CACNA1E: variants seen among roughly 807,000 people sequenced by gnomAD.
CACNA1E encodes the protein calcium voltage-gated channel subunit alpha1 E.
CACNA1E carries 40 observed loss-of-function variants against 259.2 expected under a neutral mutation model. The observed-to-expected ratio is 0.15, with a 90% CI of 0.12 to 0.20. The LOEUF is 0.20. Ranked by LOEUF, CACNA1E falls within the 10% of genes least tolerant of loss-of-function variation. The pLI, the probability that CACNA1E is intolerant of heterozygous loss-of-function variation, is 1.00. For missense variants in CACNA1E, 1,874 were observed against 3,040.1 expected, an observed-to-expected ratio of 0.62 and a Z score of 9.02; for synonymous variants, 1,104 against 1,138.5, an observed-to-expected ratio of 0.97 and a Z score of 0.61.
intron 1 of CACNA1E, among the ~76,000 whole-genome samples, chr1:181,338,092 G>C (rs963749210): frequency 6.6e-6 from 1 of 151,754 alleles, no homozygotes; most frequent in Admixed American, 6.6e-5. Flanking sequence ...GCTTTTTTTT[G>C]TTTGTTTTTG....
intron 8 of CACNA1E, among the ~76,000 whole-genome samples, chr1:181,714,254 G>A (rs989741659): frequency 1.3e-5 from 2 of 152,050 alleles, no homozygotes; most frequent in African/African-American, 4.8e-5. Flanking sequence ...ATGACTCACA[G>A]AACTTTGGCA....
At chr1:181,495,170 G>A (rs750666900) in intron 1 of CACNA1E, among the ~76,000 whole-genome samples, 2 of 152,158 alleles carry the variant, frequency 1.3e-5, no homozygotes, top group African/African-American at 2.4e-5. Flanking sequence ...TAGATCTCAG[G>A]AGTTGAAGGG....
At chr1:181,619,894 G>A (rs908322726) in intron 6 of CACNA1E, among the ~76,000 whole-genome samples, 6 of 152,098 alleles carry the variant, frequency 3.9e-5, no homozygotes, top group Admixed American at 6.5e-5. Flanking sequence ...TATTGGGGAG[G>A]GGGGAAGGAT....
intron 7 of CACNA1E, among the ~76,000 whole-genome samples, chr1:181,695,527 CAAAT>C (rs1484259427): frequency 6.6e-6 from 1 of 152,136 alleles, no homozygotes; most frequent in Non-Finnish European, 1.5e-5. Flanking sequence ...TGTCAACAGA[CAAAT>C]AGACCACTGG....
intron 33 of CACNA1E, among the ~76,000 whole-genome samples, chr1:181,762,978 C>T (rs1658716325): frequency 6.6e-6 from 1 of 152,188 alleles, no homozygotes; most frequent in Admixed American, 6.5e-5. Flanking sequence ...TATCTTTGCC[C>T]TCAAAGTTCA....
Position 181,778,368 on chromosome 1 carries a change from G to A in CACNA1E, c.5267+2140G>A, listed in dbSNP as rs978339108. 6.6e-5 allele frequency among the ~76,000 whole-genome samples: 10 copies of A among 152,292 alleles called. No individual in the cohort carries two copies. The East Asian group carries it at 1.4e-3, about 21-fold the overall frequency. On this transcript the variant is annotated intron_variant, in intron 38 of 47. Coordinates refer to ENST00000367573, the MANE Select transcript of CACNA1E (RefSeq NM_001205293.3). Reference sequence around the variant, plus strand: ...TTGAGAGACTTGGAGGTACTGATGAGCTGCTATCTGGAAGAATAGGAGGAA... The same window carrying A: ...TTGAGAGACTTGGAGGTACTGATGAACTGCTATCTGGAAGAATAGGAGGAA...
intron 3 of CACNA1E, among the ~76,000 whole-genome samples, chr1:181,552,770 C>T (rs570896082): frequency 1.9e-4 from 29 of 152,150 alleles, no homozygotes; most frequent in African/African-American, 5.3e-4. Flanking sequence ...TCCCTCCCCT[C>T]GCCCCCACCC....
Position 181,803,564 on chromosome 1 carries a change from C to T in CACNA1E, c.*4730C>T, listed in dbSNP as rs1662428091. 6.6e-6 allele frequency: 1 copy of T among 152,204 alleles called. No homozygotes were observed. The highest frequency in any genetic ancestry group is 2.4e-5 in the African/African-American group (1 of 41,442). The allele number at this position is 152,204 out of a possible 1,614,324, so 9.4% of individuals were successfully genotyped here. ...CCCCAAATAGAGCAGCAGCTGATGGCTTCTCTGCTGTCTGTGGAGGGAGGG... is the reference window on the plus strand; with the variant it reads ...CCCCAAATAGAGCAGCAGCTGATGGTTTCTCTGCTGTCTGTGGAGGGAGGG... On this transcript the variant is annotated 3_prime_UTR_variant, in exon 48 of 48. Transcript: ENST00000367573.
rs1659979543 is a variant in CACNA1E, at chr1:181,776,399, G to A, written c.5267+171G>A. 1.6e-6 allele frequency: 1 copy of A among 632,352 alleles called. No homozygotes were observed. Among genetic ancestry groups the A allele is most frequent in the Non-Finnish European group, 2.8e-6 (1 of 361,254 alleles). The allele number at this position is 632,352 out of a possible 1,614,324, so 39.2% of individuals were successfully genotyped here. A position where few individuals can be genotyped will look rare whatever the true frequency, so the allele number is the denominator to read the frequency against. Reference sequence around the variant, plus strand: ...GCTCTGGTATCAAGCCAGTCACCAAGGACTTCTGTATCCTCCTTTCCCCTC... The same window carrying A: ...GCTCTGGTATCAAGCCAGTCACCAAAGACTTCTGTATCCTCCTTTCCCCTC... On this transcript the variant is annotated intron_variant, in intron 38 of 47. Coordinates refer to ENST00000367573, the MANE Select transcript of CACNA1E (RefSeq NM_001205293.3). This position sits in a 1 kb window ranked among gnomAD's most constrained non-coding sequence, Gnocchi z 4.4.
chr1:181,737,765 G>A (rs1656187154), intron 23 of CACNA1E, 111 bp downstream of exon 23: 1 of 1,420,648 alleles, frequency 7.0e-7, no homozygotes, highest in Non-Finnish European at 9.6e-7. Context: ...ATGAGCAAGG[G>A]TTGGAAATTG....
In CACNA1E at chr1:181,781,531, A is replaced by G. The variant is rs974676785; in HGVS notation, c.5364+8A>G. 6.3e-6 allele frequency: 9 copies of G among 1,424,542 alleles called. No homozygotes were observed. The African/African-American group carries it at 1.1e-4, about 18-fold the overall frequency. The allele number at this position is 1,424,542 out of a possible 1,614,324, so 88.2% of individuals were successfully genotyped here. A position where few individuals can be genotyped will look rare whatever the true frequency, so the allele number is the denominator to read the frequency against. On this transcript the variant is annotated splice_region_variant and intron_variant, in intron 39 of 47. Transcript: ENST00000367573. ...TCCAAAGTGGCATATAAGGTAGACC[A>G]CCCCTTCCTTTGCTCTGGGCTACAG... is the stretch of plus-strand genomic sequence containing the variant.
chr1:181,756,649 G>A lies in CACNA1E; in HGVS notation c.4128-276G>A, dbSNP rs182267764. Among the ~76,000 whole-genome samples, 412 of 152,316 alleles carry A rather than the reference G, an allele frequency of 2.7e-3. 3 individuals are homozygous for A. Among genetic ancestry groups the A allele is most frequent in the African/African-American group, 9.7e-3 (402 of 41,568 alleles). On this transcript the variant is annotated intron_variant, in intron 29 of 47. Transcript: ENST00000367573. ...TACTTGGCAGCAAAATGTTAAATGGGAATCTGGGAGTCTCTTTGTATTGAA... is the reference window on the plus strand; with the variant it reads ...TACTTGGCAGCAAAATGTTAAATGGAAATCTGGGAGTCTCTTTGTATTGAA...
chr1:181,425,401 G>A (rs1170415940), intron 2 of CACNA1E, among the ~76,000 whole-genome samples: 1 of 152,224 alleles, frequency 6.6e-6, no homozygotes, highest in African/African-American at 2.4e-5. Flanking sequence ...CCTCTTGGAT[G>A]TGAGGGGATG....
At chr1:181,491,078 CA>C (rs1276668876) in intron 1 of CACNA1E, among the ~76,000 whole-genome samples, 1 of 152,244 alleles carries the variant, frequency 6.6e-6, no homozygotes, top group African/African-American at 2.4e-5. Context: ...ACCATTGTCT[CA>C]TGGGACTGGT....
At chr1:181,649,734 C>T (rs1658588377) in intron 6 of CACNA1E, among the ~76,000 whole-genome samples, 1 of 152,166 alleles carries the variant, frequency 6.6e-6, no homozygotes. Flanking sequence ...CCATTATCCT[C>T]AGCAAACCAA....
chr1:181,579,484 G>A (rs1651304705), intron 5 of CACNA1E, among the ~76,000 whole-genome samples: 1 of 152,106 alleles, frequency 6.6e-6, no homozygotes. Context: ...CATGGTCAAG[G>A]GCCATGGGAA....
In CACNA1E at chr1:181,793,740, C is replaced by T. The variant is rs778038543; in HGVS notation, c.5974C>T (p.His1992Tyr). ...CTACCTTCCTTCGGACACCCAGGAG[C>T]ATGCGGGATCTGGGAGGGCATCTTC... is the stretch of plus-strand genomic sequence containing the variant. The part of the protein sequence containing the change: ...GIYLPSDTQE[H>Y]AGSGRASSMP... The change falls in exon 45 of 48, where the codon CAT becomes TAT. Residue 1992 changes from histidine (H) to tyrosine (Y), a missense_variant. Transcript: ENST00000367573. 6.2e-7 allele frequency: 1 copy of T among 1,611,748 alleles called. No homozygotes were observed. The highest frequency in any genetic ancestry group is 1.1e-5 in the South Asian group (1 of 90,662).
At chr1:181,754,229 G>A (rs1219769814) in intron 27 of CACNA1E, among the ~76,000 whole-genome samples, 1 of 152,204 alleles carries the variant, frequency 6.6e-6, no homozygotes, top group Non-Finnish European at 1.5e-5. Flanking sequence ...GCTTAATTCT[G>A]TTAAATTAGA....
intron 2 of CACNA1E, among the ~76,000 whole-genome samples, chr1:181,468,291 A>G (rs1662274853): frequency 6.6e-6 from 1 of 152,194 alleles, no homozygotes; most frequent in African/African-American, 2.4e-5. Context: ...TGGTCTTGTC[A>G]TGTTAGGTTT....
Sources: gnomAD v4.1 joint callset for allele counts (sites outside exome capture counted in the v4.1 genomes callset) on GRCh38, gnomAD v4.1.1 for gene constraint, Gnocchi (gnomAD v3.1) non-coding constraint, MANE v1.5 for transcripts, NCBI Gene and HGNC (gene_info 2026-07-23, HGNC 2026-07-21) for gene names.